The following GLIS3 variants were observed in gnomAD, a reference collection of about 807,000 sequenced individuals.
The protein encoded by GLIS3 is zinc finger protein GLIS3.
GLIS3 carries 53 observed loss-of-function variants against 78.6 expected under a neutral mutation model. That is an observed-to-expected ratio of 0.67 (90% CI 0.54 to 0.85). The LOEUF (loss-of-function observed/expected upper bound fraction) is 0.85. Ranked by LOEUF, GLIS3 falls within the 40% of genes least tolerant of loss-of-function variation. The pLI is 0.00. For synonymous variants in GLIS3, 684 were observed against 509.9 expected (o/e 1.34, Z -4.60); for missense variants, 1,703 against 1,231.1 (o/e 1.38, Z -5.74).
intron 2 of GLIS3, among the ~76,000 whole-genome samples, chr9:4,233,560 T>C (rs1441550822): frequency 1.3e-5 from 2 of 152,218 alleles, no homozygotes; most frequent in Non-Finnish European, 2.9e-5. Flanking sequence ...CGTAAAGAGA[T>C]GTGCTCTCAT....
At chr9:4,005,332 C>T (rs1345299227) in intron 4 of GLIS3, among the ~76,000 whole-genome samples, 1 of 152,174 alleles carries the variant, frequency 6.6e-6, no homozygotes, top group African/African-American at 2.4e-5. Context: ...GCCATTCATT[C>T]ATTCATGTGT....
At chr9:4,486,352 A>C in the GLIS3 span, among the ~76,000 whole-genome samples, 3 of 152,190 alleles carry the variant, frequency 2.0e-5, no homozygotes, top group African/African-American at 4.8e-5. Flanking sequence ...CTGTAAGACC[A>C]AGAATGTAAC....
upstream of GLIS3, among the ~76,000 whole-genome samples, chr9:4,302,413 T>C (rs4437711): frequency 6.6e-6 from 1 of 152,214 alleles, no homozygotes; most frequent in South Asian, 2.1e-4. Context: ...CAGAGAAATA[T>C]TCAGTGAGTA....
At chr9:4,050,217 A>G (rs1215858434) in intron 4 of GLIS3, among the ~76,000 whole-genome samples, 2 of 152,220 alleles carry the variant, frequency 1.3e-5, no homozygotes, top group Non-Finnish European at 2.9e-5. Flanking sequence ...GCAATGATAG[A>G]CTGGATTAAG....
upstream of GLIS3, among the ~76,000 whole-genome samples, chr9:4,304,520 C>A (rs1290989143): frequency 1.3e-5 from 2 of 152,110 alleles, no homozygotes; most frequent in South Asian, 2.1e-4. Context: ...TCAGTTGCAT[C>A]ATACCCTGAA....
At chr9:3,925,603 G>GCA (rs1205654445) in intron 6 of GLIS3, among the ~76,000 whole-genome samples, 2 of 146,010 alleles carry the variant, frequency 1.4e-5, no homozygotes, top group East Asian at 2.0e-4. Context: ...GTGCGTGTGC[G>GCA]CGCGTGTGTG....
At chr9:4,059,825 TGTGTGA>T (rs1269558261) in intron 4 of GLIS3, among the ~76,000 whole-genome samples, 25 of 120,362 alleles carry the variant, frequency 2.1e-4, no homozygotes, top group African/African-American at 7.7e-4. Flanking sequence ...TGTGTGTGTG[TGTGTGA>T]GAGAGAGAGA....
At chr9:4,145,375 G>A (rs1278331924) in intron 2 of GLIS3, among the ~76,000 whole-genome samples, 1 of 152,176 alleles carries the variant, frequency 6.6e-6, no homozygotes, top group Non-Finnish European at 1.5e-5. Flanking sequence ...TGGTTCAATT[G>A]TGTGTGTTAT....
At chr9:3,957,581 C>T (rs371431346) in intron 4 of GLIS3, among the ~76,000 whole-genome samples, 11 of 152,248 alleles carry the variant, frequency 7.2e-5, no homozygotes, top group Middle Eastern at 3.4e-3. Flanking sequence ...ATCCTCAGCC[C>T]AGAGGCAACA....
At chr9:4,355,531 G>C in the GLIS3 span, among the ~76,000 whole-genome samples, 1 of 152,104 alleles carries the variant, frequency 6.6e-6, no homozygotes, top group African/African-American at 2.4e-5. Flanking sequence ...GAATGAAATG[G>C]GTGCTACTCT....
At chr9:4,084,983 C>A (rs746945579) in intron 4 of GLIS3, among the ~76,000 whole-genome samples, 2 of 142,544 alleles carry the variant, frequency 1.4e-5, no homozygotes, top group East Asian at 2.0e-4. Context: ...ACAAACAACG[C>A]AATGCAAAAA....
chr9:4,315,262 A>C, intron 2 of GLIS3, among the ~76,000 whole-genome samples: 1 of 152,142 alleles, frequency 6.6e-6, no homozygotes, highest in Middle Eastern at 3.2e-3. Context: ...GCACTTTTCA[A>C]GCTGACCCAA....
intron 6 of GLIS3, among the ~76,000 whole-genome samples, chr9:3,910,224 T>C (rs536803786): frequency 1.3e-5 from 2 of 152,380 alleles, no homozygotes; most frequent in African/African-American, 4.8e-5. Flanking sequence ...TTTTTAGTAT[T>C]TGAGAAGCTT....
At chr9:4,430,840 A>T in the GLIS3 span, among the ~76,000 whole-genome samples, 1 of 152,018 alleles carries the variant, frequency 6.6e-6, no homozygotes, top group African/African-American at 2.4e-5. Context: ...GCCAGAAATC[A>T]GGGGAAAGTT....
chr9:3,965,913 C>A (rs1380410319), intron 4 of GLIS3, among the ~76,000 whole-genome samples: 2 of 152,238 alleles, frequency 1.3e-5, no homozygotes, highest in African/African-American at 4.8e-5. Flanking sequence ...AGGCACATGT[C>A]ATTGTTTGTT....
At chr9:4,358,711 CGTGT>C in the GLIS3 span, among the ~76,000 whole-genome samples, 1 of 152,102 alleles carries the variant, frequency 6.6e-6, no homozygotes, top group African/African-American at 2.4e-5. Flanking sequence ...AATGGGCACA[CGTGT>C]GTATGTGTGC....
At chr9:4,027,224 T>C (rs1823421303) in intron 4 of GLIS3, among the ~76,000 whole-genome samples, 1 of 152,234 alleles carries the variant, frequency 6.6e-6, no homozygotes, top group Non-Finnish European at 1.5e-5. Flanking sequence ...TGAACAACGC[T>C]TAGCCATTTC....
chr9:4,455,243 G>A, the GLIS3 span, among the ~76,000 whole-genome samples: 3 of 152,148 alleles, frequency 2.0e-5, no homozygotes, highest in Non-Finnish European at 2.9e-5. Flanking sequence ...TTAAATCATG[G>A]CTAGCATGAG....
chr9:4,092,714 T>C (rs1829626501), intron 4 of GLIS3, among the ~76,000 whole-genome samples: 1 of 152,174 alleles, frequency 6.6e-6, no homozygotes, highest in Non-Finnish European at 1.5e-5. Context: ...ATAACAATGC[T>C]TTCTTTTGAA....
Sources: gnomAD v4.1 joint callset for allele counts (sites outside exome capture counted in the v4.1 genomes callset) on GRCh38, gnomAD v4.1.1 for gene constraint, MANE v1.5 for transcripts, NCBI Gene and HGNC (gene_info 2026-07-23, HGNC 2026-07-21) for gene names.